LSAMP: variants seen among roughly 807,000 people sequenced by gnomAD.
LSAMP encodes the protein limbic system-associated membrane protein.
A neutral mutation model predicts 38.6 loss-of-function variants in LSAMP; 7 were observed. The ratio of observed to expected loss-of-function variants is 0.18; its 90% confidence interval spans 0.10 to 0.34. The LOEUF (loss-of-function observed/expected upper bound fraction) is 0.34. Ranked by LOEUF, LSAMP falls within the 10% of genes least tolerant of loss-of-function variation. LSAMP has a pLI of 1.00. For synonymous variants in LSAMP, 154 were observed against 166.8 expected (o/e 0.92, Z 0.59); for missense variants, 313 against 420.0 (o/e 0.75, Z 2.23).
intron 1 of LSAMP, among the ~76,000 whole-genome samples, chr3:116,190,128 C>CACACACACACACACACACAT (rs768880292): frequency 1.4e-5 from 2 of 146,304 alleles, no homozygotes; most frequent in African/African-American, 5.0e-5. Context: ...CACACACACA[C>CACACACACACACACACACAT]ATGCATTAAG....
At chr3:116,257,991 T>C (rs2107655285) in intron 1 of LSAMP, among the ~76,000 whole-genome samples, 1 of 152,282 alleles carries the variant, frequency 6.6e-6, no homozygotes, top group Non-Finnish European at 1.5e-5. Context: ...TAATTAACAC[T>C]ACAAAATTAA....
chr3:116,240,570 G>A (rs145507398), intron 1 of LSAMP, among the ~76,000 whole-genome samples: 1 of 152,272 alleles, frequency 6.6e-6, no homozygotes, highest in African/African-American at 2.4e-5. Flanking sequence ...AACTTCACTT[G>A]GCAAGCATGA....
At chr3:115,952,547 C>T (rs995859439) in intron 3 of LSAMP, among the ~76,000 whole-genome samples, 6 of 152,092 alleles carry the variant, frequency 3.9e-5, no homozygotes, top group Admixed American at 2.6e-4. Context: ...AATAGTGCAA[C>T]GGACTTTGGG....
intron 2 of LSAMP, among the ~76,000 whole-genome samples, chr3:116,068,747 T>C (rs1199946686): frequency 2.0e-5 from 3 of 152,256 alleles, no homozygotes; most frequent in Non-Finnish European, 4.4e-5. Context: ...TGAACTTGAA[T>C]GTTAATGTTA....
intron 3 of LSAMP, among the ~76,000 whole-genome samples, chr3:115,932,529 A>G (rs1464957126): frequency 1.3e-5 from 2 of 152,246 alleles, no homozygotes; most frequent in Admixed American, 1.3e-4. Flanking sequence ...CACAGAATAG[A>G]CAATGATGTG....
intron 1 of LSAMP, among the ~76,000 whole-genome samples, chr3:116,114,416 T>C (rs1708697423): frequency 6.6e-6 from 1 of 152,140 alleles, no homozygotes; most frequent in African/African-American, 2.4e-5. Flanking sequence ...AAGGGAAGTT[T>C]TTATTCTTAT....
chr3:115,921,629 C>T (rs182921778), intron 3 of LSAMP, among the ~76,000 whole-genome samples: 89 of 152,102 alleles, frequency 5.9e-4, no homozygotes, highest in African/African-American at 2.0e-3. Context: ...AATATATTTA[C>T]CCTTACCAGT....
intron 1 of LSAMP, among the ~76,000 whole-genome samples, chr3:116,134,713 G>A (rs746752942): frequency 6.6e-6 from 1 of 152,106 alleles, no homozygotes; most frequent in African/African-American, 2.4e-5. Flanking sequence ...CCATCCTCCA[G>A]TCACTCTCTT....
In LSAMP at chr3:115,923,236, T is replaced by C. The variant is rs188438632; in HGVS notation, c.515-70619A>G. On this transcript the variant is annotated intron_variant, in intron 3 of 6. Transcript: ENST00000490035. ...TTTGGGCAGCCTCCAAAGAGCCAGA[T>C]TGTTGGACTCACATTCCACTTTTCC... Among the ~76,000 whole-genome samples the C allele has an allele frequency of 9.3e-4, 141 of 152,294 alleles. 6 individuals carry two copies. In the East Asian group the frequency reaches 0.025, roughly 27 times the overall value.
intron 6 of LSAMP, among the ~76,000 whole-genome samples, chr3:115,811,894 G>A (rs950597463): frequency 6.6e-6 from 1 of 152,222 alleles, no homozygotes; most frequent in Non-Finnish European, 1.5e-5. Flanking sequence ...GAGGCACAGG[G>A]AGATTGGATG....
chr3:115,843,089 G>GAAACAAAC (rs372729988), intron 4 of LSAMP, among the ~76,000 whole-genome samples: 1 of 152,162 alleles, frequency 6.6e-6, no homozygotes, highest in Admixed American at 6.5e-5. Context: ...GCAGGATTCA[G>GAAACAAAC]AAACAAACAA....
intron 4 of LSAMP, among the ~76,000 whole-genome samples, chr3:115,847,799 A>C (rs1360441006): frequency 6.6e-6 from 1 of 152,184 alleles, no homozygotes; most frequent in African/African-American, 2.4e-5. Flanking sequence ...TGAGTCAATT[A>C]AACCTCTTTC....
chr3:116,234,917 T>C (rs75245668), intron 1 of LSAMP, among the ~76,000 whole-genome samples: 3,245 of 152,236 alleles, frequency 0.021, 124 homozygotes, highest in African/African-American at 0.073. Flanking sequence ...TTCTTCAAAA[T>C]TGATAGCTCA....
intron 1 of LSAMP, among the ~76,000 whole-genome samples, chr3:116,307,999 A>G (rs766581577): frequency 6.6e-6 from 1 of 151,950 alleles, no homozygotes; most frequent in Non-Finnish European, 1.5e-5. Flanking sequence ...TGTTATGAGA[A>G]TAAAGAGATG....
intron 1 of LSAMP, among the ~76,000 whole-genome samples, chr3:116,341,646 C>T (rs1252654733): frequency 6.6e-6 from 1 of 151,942 alleles, no homozygotes; most frequent in Non-Finnish European, 1.5e-5. Context: ...TAATGGAGGA[C>T]AAATTAGATA....
intron 2 of LSAMP, among the ~76,000 whole-genome samples, chr3:116,039,437 C>T (rs1288172845): frequency 6.6e-6 from 1 of 152,184 alleles, no homozygotes; most frequent in East Asian, 1.9e-4. Flanking sequence ...CATTTAAAAG[C>T]ATTACTTCAC....
At chr3:115,826,703 A>T (rs916921136) in intron 6 of LSAMP, among the ~76,000 whole-genome samples, 1 of 152,184 alleles carries the variant, frequency 6.6e-6, no homozygotes. Flanking sequence ...TGCATGTCAA[A>T]TTAACTTAAC....
At chr3:115,887,224 G>T (rs1936477418) in intron 3 of LSAMP, among the ~76,000 whole-genome samples, 1 of 151,646 alleles carries the variant, frequency 6.6e-6, no homozygotes. Context: ...ATATTCTATG[G>T]TGAGACTGAT....
intron 1 of LSAMP, among the ~76,000 whole-genome samples, chr3:116,222,098 T>G (rs7621552): frequency 0.99 from 150,757 of 152,032 alleles, 74,759 homozygotes; most frequent in Middle Eastern, 1. Flanking sequence ...TAAAGATGGG[T>G]TTATACAAGC....
Sources: gnomAD v4.1 joint callset for allele counts (sites outside exome capture counted in the v4.1 genomes callset) on GRCh38, gnomAD v4.1.1 for gene constraint, MANE v1.5 for transcripts, NCBI Gene and HGNC (gene_info 2026-07-23, HGNC 2026-07-21) for gene names.